The following HDAC4 variants were observed in gnomAD, a reference collection of about 807,000 sequenced individuals.
The protein encoded by HDAC4 is histone deacetylase 4.
In HDAC4, 16 loss-of-function variants were observed where a neutral mutation model predicts 135.1. That is an observed-to-expected ratio of 0.12 (90% CI 0.08 to 0.18). The LOEUF (loss-of-function observed/expected upper bound fraction) is 0.18, where lower values mean the gene tolerates loss of function less well. HDAC4 is among the 10% of genes least tolerant of loss of function. The pLI is 1.00. For synonymous variants in HDAC4, 685 were observed against 653.4 expected (o/e 1.05, Z -0.74); for missense variants, 1,143 against 1,511.8 (o/e 0.76, Z 4.05).
intron 16 of HDAC4, 125 bp downstream of exon 16, chr2:239,102,651 C>T: frequency 9.4e-7 from 1 of 1,063,530 alleles, no homozygotes; most frequent in Non-Finnish European, 1.4e-6. Context: ...CCCTTTCAGG[C>T]CCTTTACCTT....
At position 239,285,827 on chromosome 2, in the gene HDAC4, G is replaced by C. The variant is rs184543578; in HGVS notation, c.23-49163C>G. On this transcript the variant is annotated intron_variant, in intron 2 of 26. Transcript: ENST00000543185. This position sits in a 1 kb window ranked among gnomAD's most constrained non-coding sequence, Gnocchi z 4.5. ...TGCATGGGGGTCAGGACCGAGGTGA[G>C]CCCAGAGCTGCAGCGTTCAGGATGC... 5.2e-3 allele frequency among the ~76,000 whole-genome samples: 785 copies of C among 152,254 alleles called. 10 individuals are homozygous for C. Among genetic ancestry groups the C allele is most frequent in the African/African-American group, 0.018 (742 of 41,526 alleles).
chr2:239,062,688 C>G (rs1009589231), intron 24 of HDAC4, among the ~76,000 whole-genome samples: 1 of 152,218 alleles, frequency 6.6e-6, no homozygotes, highest in Non-Finnish European at 1.5e-5. Flanking sequence ...GGGGAAAAGA[C>G]TGTTTGATGT....
intron 24 of HDAC4, chr2:239,055,050 T>C: frequency 2.1e-6 from 1 of 480,076 alleles, no homozygotes; most frequent in Non-Finnish European, 3.8e-6. Flanking sequence ...CTATAAGATA[T>C]TTGTGGGTTC....
Position 239,349,249 on chromosome 2 carries a change from GA to G in HDAC4, c.22+3428del, listed in dbSNP as rs34234603. On this transcript the variant is annotated intron_variant, in intron 2 of 26. Coordinates refer to ENST00000543185, the MANE Select transcript of HDAC4 (RefSeq NM_001378414.1). This position sits in a 1 kb window ranked among gnomAD's most constrained non-coding sequence, Gnocchi z 5.7. ...GGACGGCACGAGAGACACACGGAGG[GA>G]GGGGAGGTGCAGCCAGGTAGGCCCC... 3.9e-4 allele frequency among the ~76,000 whole-genome samples: 59 copies of G among 152,302 alleles called. 1 individual carries two copies. The highest frequency in any genetic ancestry group is 3.5e-3 in the South Asian group (17 of 4,824).
intron 1 of HDAC4, among the ~76,000 whole-genome samples, chr2:239,365,224 C>A (rs939308612): frequency 8.5e-5 from 13 of 152,188 alleles, no homozygotes; most frequent in Non-Finnish European, 1.9e-4. Flanking sequence ...ATAAGAGTGT[C>A]ATTTTATGAT....
intron 6 of HDAC4, among the ~76,000 whole-genome samples, 165 bp from the exon 7 acceptor site, chr2:239,156,938 A>G (rs2042461576): frequency 6.6e-6 from 1 of 152,216 alleles, no homozygotes. Context: ...GGAAACAAAC[A>G]GGATGCTAAA....
chr2:239,077,182 C>A (rs1417590926), intron 22 of HDAC4, among the ~76,000 whole-genome samples: 1 of 152,258 alleles, frequency 6.6e-6, no homozygotes, highest in Non-Finnish European at 1.5e-5. Flanking sequence ...ATTCCACAGT[C>A]AGAGGCCCCG....
chr2:239,084,135 G>A lies in HDAC4; in HGVS notation c.2532+20C>T, dbSNP rs367997410. 353 of 1,593,312 alleles carry A rather than the reference G, an allele frequency of 2.2e-4. 1 individual carries two copies. Among genetic ancestry groups the A allele is most frequent in the Middle Eastern group, 2.0e-3 (12 of 6,042 alleles). ...CAAAGGAGCAACCTGAGCTGCGCTGGCCAAGGCGGCTCTGCTTACCCAGTC... is the reference window on the plus strand; with the variant it reads ...CAAAGGAGCAACCTGAGCTGCGCTGACCAAGGCGGCTCTGCTTACCCAGTC... On this transcript the variant is annotated intron_variant, in intron 20 of 26. Transcript: ENST00000543185.
chr2:239,147,517 A>C (rs1312535972), intron 7 of HDAC4, among the ~76,000 whole-genome samples: 1 of 152,290 alleles, frequency 6.6e-6, no homozygotes, highest in Non-Finnish European at 1.5e-5. Flanking sequence ...GTACTGGCTC[A>C]GTGCAGCAGC....
chr2:239,241,762 T>C (rs1432441919), intron 2 of HDAC4, among the ~76,000 whole-genome samples: 1 of 152,118 alleles, frequency 6.6e-6, no homozygotes. Context: ...TTGGGGTATG[T>C]TTTCCTATGA....
chr2:239,272,280 C>T (rs2050101100), intron 2 of HDAC4, among the ~76,000 whole-genome samples: 3 of 152,206 alleles, frequency 2.0e-5, no homozygotes, highest in Admixed American at 1.3e-4. Context: ...TCTGATAGGA[C>T]ACCAAAACAC....
At chr2:239,354,585 T>G (rs1693370727) in intron 1 of HDAC4, among the ~76,000 whole-genome samples, 2 of 148,664 alleles carry the variant, frequency 1.3e-5, no homozygotes, top group South Asian at 4.3e-4. Flanking sequence ...TTTTTTTTTT[T>G]TTTTTGCCAA....
chr2:239,202,738 C>G (rs1331248380), intron 3 of HDAC4, among the ~76,000 whole-genome samples: 2 of 152,050 alleles, frequency 1.3e-5, no homozygotes, highest in Non-Finnish European at 2.9e-5. Flanking sequence ...GCTGTACCCC[C>G]TGACCTCATG....
At position 239,309,448 on chromosome 2, in the gene HDAC4, G is replaced by A. The variant is rs191428097; in HGVS notation, c.22+43230C>T. Among the ~76,000 whole-genome samples, 3 of 152,320 alleles carry A rather than the reference G, an allele frequency of 2.0e-5. No individual in the cohort carries two copies. Among genetic ancestry groups the A allele is most frequent in the East Asian group, 1.9e-4 (1 of 5,168 alleles). On this transcript the variant is annotated intron_variant, in intron 2 of 26. Transcript: ENST00000543185. This position sits in a 1 kb window ranked among gnomAD's most constrained non-coding sequence, Gnocchi z 4.2. The stretch of plus-strand genomic sequence containing the variant: ...GCAAATGCCCAAGGAAGCAAGAAGC[G>A]GGACCCCGCCTTCTCAGCCACCTCT...
chr2:239,345,582 CGGACACCCTAACACACACAT>C (rs1210971533), intron 2 of HDAC4, among the ~76,000 whole-genome samples: 1 of 151,068 alleles, frequency 6.6e-6, no homozygotes, highest in Non-Finnish European at 1.5e-5. Context: ...CACACACACA[CGGACACCCTAACACACACAT>C]ACACACACCC....
intron 1 of HDAC4, among the ~76,000 whole-genome samples, chr2:239,388,918 C>T (rs1696012505): frequency 6.6e-6 from 1 of 152,216 alleles, no homozygotes. Flanking sequence ...GCAGCAGAGA[C>T]ACAGGGAGGC....
At chr2:239,358,585 C>G (rs1693666501) in intron 1 of HDAC4, among the ~76,000 whole-genome samples, 1 of 152,206 alleles carries the variant, frequency 6.6e-6, no homozygotes, top group South Asian at 2.1e-4. Context: ...AGGGCCCTCT[C>G]AGCAGGCAGC....
intron 1 of HDAC4, among the ~76,000 whole-genome samples, chr2:239,366,219 G>T (rs1019508864): frequency 6.6e-6 from 1 of 150,424 alleles, no homozygotes; most frequent in Admixed American, 6.6e-5. Flanking sequence ...CAGCAGGGTT[G>T]TCAGGGTCAC....
intron 2 of HDAC4, chr2:239,351,878 G>C (rs1347584376): frequency 6.5e-6 from 1 of 153,518 alleles, no homozygotes; most frequent in Non-Finnish European, 1.5e-5. Flanking sequence ...AAGTGCCCTT[G>C]AAGGCCACGG....
Sources: allele counts gnomAD v4.1 joint callset (sites outside exome capture counted in the v4.1 genomes callset), GRCh38; gene constraint gnomAD v4.1.1; non-coding constraint Gnocchi (gnomAD v3.1); transcripts MANE v1.5; gene names NCBI Gene and HGNC (gene_info 2026-07-23, HGNC 2026-07-21).